Variants in MTERF4 observed in about 807,000 individuals in gnomAD.
MTERF4 encodes the protein transcription termination factor 4, mitochondrial.
A neutral mutation model predicts 22.5 loss-of-function variants in MTERF4; 17 were observed. That is an observed-to-expected ratio of 0.75 (90% CI 0.52 to 1.13). MTERF4 has a LOEUF of 1.13. Among genes scored for constraint, MTERF4 ranks in the 50% most tolerant of loss-of-function variants. The pLI, the probability that MTERF4 is intolerant of heterozygous loss-of-function variation, is 0.00. For synonymous variants in MTERF4, 165 were observed against 175.3 expected (o/e 0.94, Z 0.47); for missense variants, 420 against 466.8 (o/e 0.90, Z 0.92).
the MTERF4 span, chr2:241,052,137 C>G: frequency 6.2e-7 from 1 of 1,613,796 alleles, no homozygotes; most frequent in Non-Finnish European, 8.5e-7. Context: ...CCAGGCTTCT[C>G]CGGGCGGCAC....
At chr2:241,071,940 A>C, downstream of MTERF4, 31 of 1,335,840 alleles carry the variant, frequency 2.3e-5, no homozygotes, top group Middle Eastern at 1.8e-4. Flanking sequence ...TGCCACTCTC[A>C]CCAGGTCCTG....
At chr2:241,051,665 G>T in the MTERF4 span, 1 of 1,152,028 alleles carries the variant, frequency 8.7e-7, no homozygotes, top group Non-Finnish European at 1.2e-6. The surrounding 1 kb of genome is among the most constrained non-coding windows in gnomAD (Gnocchi z 4.7). Context: ...GAGGACTGAG[G>T]AGATGCCAGG....
the MTERF4 span, among the ~76,000 whole-genome samples, chr2:241,044,882 A>T: frequency 6.6e-6 from 1 of 152,176 alleles, no homozygotes; most frequent in Non-Finnish European, 1.5e-5. Flanking sequence ...TAAAAGCCGC[A>T]GCGTTTTTGC....
the MTERF4 span, chr2:241,053,244 C>A: frequency 6.2e-7 from 1 of 1,608,258 alleles, no homozygotes; most frequent in Non-Finnish European, 8.5e-7. Context: ...ATGCATGTGA[C>A]CGTGGCTACA....
chr2:241,071,693 C>CT, downstream of MTERF4: 1 of 1,516,624 alleles, frequency 6.6e-7, no homozygotes, highest in Non-Finnish European at 8.9e-7. Flanking sequence ...GACCACAGCG[C>CT]CCCCGAGACC....
At chr2:241,089,205 A>G, downstream of MTERF4, 1 of 1,249,786 alleles carries the variant, frequency 8.0e-7, no homozygotes, top group Non-Finnish European at 1.1e-6. Context: ...TTTTATCAAC[A>G]TGTCACTGCA....
At chr2:241,090,798 C>T (rs1445615316), downstream of MTERF4, among the ~76,000 whole-genome samples, 2 of 150,078 alleles carry the variant, frequency 1.3e-5, no homozygotes, top group African/African-American at 2.5e-5. Flanking sequence ...ACTTGGAAGG[C>T]AGAGGTTGCA....
rs2064599004 is a variant in MTERF4 at position 241,099,411 on chromosome 2, G to A, written c.505C>T (p.Leu169Phe). The change falls in exon 2 of 4, where the codon CTT (leucine) becomes TTT (phenylalanine). Residue 169 changes from leucine (L) to phenylalanine (F), a missense_variant. Transcript: ENST00000391980. Reference protein sequence around the residue: ...MRKRSSYLQKLGLGEGKLKRV... With the variant: ...MRKRSSYLQKFGLGEGKLKRV... ...CTTCTTGTACCTTCTCCAAGCCCAA[G>A]CTTTTGCAGGTAACTGGAGCGCTTC... The A allele has an allele frequency of 6.2e-7, 1 of 1,612,978 alleles. No individual in the cohort carries two copies. The highest frequency in any genetic ancestry group is 1.3e-5 in the African/African-American group (1 of 74,828).
chr2:241,076,466 A>T (rs948798996), intron 4 of MTERF4, among the ~76,000 whole-genome samples: 1 of 152,210 alleles, frequency 6.6e-6, no homozygotes, highest in Non-Finnish European at 1.5e-5. Context: ...ACCTTTGCAT[A>T]CTGACCTTAT....
chr2:241,042,980 C>A, the MTERF4 span, among the ~76,000 whole-genome samples: 1 of 151,306 alleles, frequency 6.6e-6, no homozygotes, highest in African/African-American at 2.4e-5. Context: ...GGATGAAGAA[C>A]AGTATCAAGC....
At chr2:241,071,748 GCCCGAGGC>G (rs2062731847), downstream of MTERF4, 2 of 1,231,716 alleles carry the variant, frequency 1.6e-6, no homozygotes, top group Non-Finnish European at 1.1e-6. Context: ...CGGCCCCATC[GCCCGAGGC>G]GGCGCTCGGA....
Position 241,073,292 on chromosome 2 carries a change from A to G in MTERF4, n.2870T>C. On this transcript the variant is annotated non_coding_transcript_exon_variant, in exon 5 of 5. Coordinates refer to the MTERF4 transcript ENST00000464344. This position sits in a 1 kb window ranked among gnomAD's most constrained non-coding sequence, Gnocchi z 6.6. ...ACCCACAGCCTCGGCGCAGCTCGAG[A>G]ACATGGAGGAAGCCCCCAAGCGGGT... 1 of 1,566,418 alleles carries G rather than the reference A, an allele frequency of 6.4e-7. No homozygotes were observed. The highest frequency in any genetic ancestry group is 8.6e-7 in the Non-Finnish European group (1 of 1,156,888).
Position 241,078,195 on chromosome 2 carries a change from C to T in MTERF4, n.480-2513G>A, listed in dbSNP as rs184374138. ...GTCAGGCGTTCGAGACAAGTCTGGC[C>T]AACGCGGTGAAACCCCGTCTCTACT... On this transcript the variant is annotated intron_variant and non_coding_transcript_variant, in intron 4 of 4. Coordinates refer to the MTERF4 transcript ENST00000464344. Among the ~76,000 whole-genome samples, 995 of 150,488 alleles carry T rather than the reference C, an allele frequency of 6.6e-3. 7 individuals carry two copies. The highest frequency in any genetic ancestry group is 0.011 in the Non-Finnish European group (750 of 67,882).
downstream of MTERF4, among the ~76,000 whole-genome samples, chr2:241,085,327 A>G (rs1034907198): frequency 4.6e-5 from 7 of 152,124 alleles, no homozygotes; most frequent in African/African-American, 1.4e-4. Flanking sequence ...TTCTATTGCT[A>G]TGCACTCAAG....
At chr2:241,052,223 G>C in the MTERF4 span, 2 of 1,502,418 alleles carry the variant, frequency 1.3e-6, no homozygotes, top group East Asian at 2.3e-5. Context: ...TGTGAAAACA[G>C]GCCCATGGGC....
rs934341046 is a variant in MTERF4, at chr2:241,096,109, G to A, written c.1035C>T (p.Asp345=). 1.1e-4 allele frequency: 172 copies of A among 1,613,082 alleles called. No homozygotes were observed. Among genetic ancestry groups the A allele is most frequent in the East Asian group, 6.7e-5 (3 of 44,870 alleles). Residue 345 remains aspartate, a synonymous_variant, in exon 4 of 4, where the codon GAC becomes GAT. Transcript: ENST00000391980. The surrounding 1 kb of genome is among the most constrained non-coding windows in gnomAD (Gnocchi z 5.1). ...CCTCATCATTGTCCTCCTCATCATC[G>A]TCATCCTCATCCTCATCCAGACTTG... The part of the protein sequence containing the change: ...KRASLDEDED[D]DDEEDNDEDD...
the MTERF4 span, chr2:241,063,706 G>A: frequency 1.3e-6 from 2 of 1,580,752 alleles, no homozygotes; most frequent in Non-Finnish European, 1.7e-6. Flanking sequence ...GACAGGTAGG[G>A]GCTCCCTCCA....
intron 2 of MTERF4, 52 bp downstream of exon 2, chr2:241,099,337 AGATCTGG>A (rs1357494357): frequency 6.5e-7 from 1 of 1,550,010 alleles, no homozygotes; most frequent in Non-Finnish European, 8.7e-7. Context: ...GGCCTCCCAA[AGATCTGG>A]GATTACAGGC....
downstream of MTERF4, chr2:241,069,792 C>T (rs958713680): frequency 7.3e-6 from 8 of 1,093,130 alleles, no homozygotes; most frequent in African/African-American, 1.1e-4. This position sits in a 1 kb window ranked among gnomAD's most constrained non-coding sequence, Gnocchi z 4.9. Context: ...GGCACTGTAC[C>T]ATTCTCCATA....
Sources: allele counts gnomAD v4.1 joint callset (sites outside exome capture counted in the v4.1 genomes callset), GRCh38; gene constraint gnomAD v4.1.1; non-coding constraint Gnocchi (gnomAD v3.1); transcripts MANE v1.5; gene names NCBI Gene and HGNC (gene_info 2026-07-23, HGNC 2026-07-21).